Variants in ZNF124 observed in about 807,000 individuals in gnomAD.
ZNF124 encodes the protein zinc finger protein 124.
Under a neutral mutation model 26.6 loss-of-function variants are expected in ZNF124, and 25 were observed. That is an observed-to-expected ratio of 0.94 (90% confidence interval 0.68 to 1.31). The LOEUF (loss-of-function observed/expected upper bound fraction) is 1.31. Among genes scored for constraint, ZNF124 ranks in the 40% most tolerant of loss-of-function variants. The pLI, the probability that ZNF124 is intolerant of heterozygous loss-of-function variation, is 0.00. For missense variants in ZNF124, 444 were observed against 422.2 expected (o/e 1.05, Z -0.45); for synonymous variants, 129 against 133.3 (o/e 0.97, Z 0.22).
At chr1:247,162,151 C>T (rs567935753) in intron 1 of ZNF124, among the ~76,000 whole-genome samples, 1 of 152,242 alleles carries the variant, frequency 6.6e-6, no homozygotes, top group South Asian at 2.1e-4. Flanking sequence ...ACAGCCACCA[C>T]AAAAACACAC....
chr1:247,165,814 C>T (rs1488545216), intron 1 of ZNF124, among the ~76,000 whole-genome samples: 5 of 152,144 alleles, frequency 3.3e-5, no homozygotes, highest in Non-Finnish European at 7.3e-5. Flanking sequence ...TATCACTCAT[C>T]ACTAAAGAAA....
At position 247,168,856 on chromosome 1, in the gene ZNF124, C is replaced by CA. The variant is rs778812282; in HGVS notation, c.30+2991dup. ...ATAATGGACCTTGGTGATTTGGGGG[C>CA]AAGGGTGGGAGGGGGTGAGACTGCA... On this transcript the variant is annotated intron_variant, in intron 1 of 3. Transcript: ENST00000543802. This position sits in a 1 kb window ranked among gnomAD's most constrained non-coding sequence, Gnocchi z 4.0. Among the ~76,000 whole-genome samples the CA allele has an allele frequency of 1.1e-4, 16 of 149,342 alleles. No homozygotes were observed. The highest frequency in any genetic ancestry group is 2.2e-4 in the Non-Finnish European group (15 of 67,418).
chr1:247,157,121 T>A lies in ZNF124; in HGVS notation c.501A>T (p.Arg167Ser). ...TTTCTCCAGTGTGAATCCTTTTATG[T>A]CTATTAAGAGAACGGGAAAAACCTA... ...KALGFSRSLN[R>S]HKRIHTGEKR... is the part of the protein sequence containing the mutation. The change falls in exon 4 of 4, where the codon AGA becomes AGT. Residue 167 changes from arginine to serine, a missense_variant. Arg to Ser is a moderately radical substitution (Grantham distance 110). Coordinates refer to ENST00000543802, the MANE Select transcript of ZNF124 (RefSeq NM_001297568.2). 1.9e-6 allele frequency: 3 copies of A among 1,614,130 alleles called. No homozygotes were observed. Among genetic ancestry groups the A allele is most frequent in the Non-Finnish European group, 2.5e-6 (3 of 1,180,016 alleles).
intron 3 of ZNF124, among the ~76,000 whole-genome samples, chr1:247,149,482 G>T (rs778819186): frequency 1.3e-5 from 2 of 152,174 alleles, no homozygotes; most frequent in Non-Finnish European, 2.9e-5. Flanking sequence ...TACAGAAATT[G>T]TGATACACAC....
chr1:247,154,247 C>T (rs529741583), downstream of ZNF124, among the ~76,000 whole-genome samples: 17 of 152,260 alleles, frequency 1.1e-4, no homozygotes, highest in East Asian at 2.7e-3. Context: ...CGGTTTCCCC[C>T]GTGCTGTTCT....
intron 3 of ZNF124, among the ~76,000 whole-genome samples, chr1:247,124,239 T>C (rs554305346): frequency 6.6e-6 from 1 of 151,954 alleles, no homozygotes; most frequent in East Asian, 1.9e-4. Context: ...AGTCTCGCTC[T>C]GTCGCCCAGG....
At chr1:247,162,466 C>CT (rs1673533858) in intron 1 of ZNF124, among the ~76,000 whole-genome samples, 2 of 151,912 alleles carry the variant, frequency 1.3e-5, no homozygotes, top group Non-Finnish European at 2.9e-5. Context: ...AGCAATAGGC[C>CT]ATACCATATA....
intron 3 of ZNF124, among the ~76,000 whole-genome samples, chr1:247,134,374 G>GACAC (rs1278742441): frequency 6.6e-6 from 1 of 152,042 alleles, no homozygotes; most frequent in African/African-American, 2.4e-5. Flanking sequence ...TATGTGCAAA[G>GACAC]ACACACATAG....
rs182366261 is a variant in ZNF124, at chr1:247,136,563, C to T, written c.219-12692G>A. On this transcript the variant is annotated intron_variant, in intron 3 of 3. Transcript: ENST00000472531. ...ATAATCAGTATCACAAAAATGGCCA[C>T]ACTGCCCAAAGTAATTTACAGATTC... Among the ~76,000 whole-genome samples, 3 of 152,246 alleles carry T rather than the reference C, an allele frequency of 2.0e-5. No individual in the cohort carries two copies. The East Asian group carries it at 5.8e-4, about 29-fold the overall frequency.
intron 3 of ZNF124, among the ~76,000 whole-genome samples, chr1:247,144,622 A>C (rs753606054): frequency 6.6e-6 from 1 of 152,036 alleles, no homozygotes; most frequent in Non-Finnish European, 1.5e-5. Flanking sequence ...ATCCTAACCC[A>C]AGGAGGACTG....
rs77790613 is a variant in ZNF124, at chr1:247,147,779, C to T, written c.218+11227G>A. On this transcript the variant is annotated intron_variant, in intron 3 of 3. Transcript: ENST00000472531. The stretch of plus-strand genomic sequence containing the variant: ...CTCCCACCCAGACTGGAATAATCCC[C>T]TCCGGCACTTAGGGGACAGGGAAGC... 5.2e-3 allele frequency among the ~76,000 whole-genome samples: 797 copies of T among 152,266 alleles called. 4 individuals are homozygous for T. The highest frequency in any genetic ancestry group is 8.0e-3 in the Non-Finnish European group (543 of 68,020).
downstream of ZNF124, among the ~76,000 whole-genome samples, chr1:247,150,887 TAAC>T (rs145034224): frequency 0.14 from 21,368 of 151,136 alleles, 2,009 homozygotes; most frequent in African/African-American, 0.26. Context: ...CTGGGAAAAA[TAAC>T]AAATAAAATT....
At chr1:247,149,938 G>A (rs531840994) in intron 3 of ZNF124, 1 of 152,294 alleles carries the variant, frequency 6.6e-6, no homozygotes, top group African/African-American at 2.4e-5. Context: ...CTTTCAAGAT[G>A]ACATCCTGAA....
intron 3 of ZNF124, among the ~76,000 whole-genome samples, chr1:247,130,188 C>A (rs1433482081): frequency 6.6e-6 from 1 of 152,142 alleles, no homozygotes; most frequent in Non-Finnish European, 1.5e-5. Flanking sequence ...TTTCAAAAGG[C>A]CAAGAAAGAG....
rs560662664 is a variant in ZNF124 at position 247,123,462 on chromosome 1, TG to T, written c.*405del. On this transcript the variant is annotated 3_prime_UTR_variant, in exon 4 of 4. Transcript: ENST00000472531. Reference sequence around the variant, plus strand: ...TGCCCGCCTCGGCCTCCCAAAGTGCTGGGATTACAGGCGTGAGCCACTGCGC... The same window carrying T: ...TGCCCGCCTCGGCCTCCCAAAGTGCTGGATTACAGGCGTGAGCCACTGCGC... 3.3e-3 allele frequency: 538 copies of T among 161,106 alleles called. 1 individual carries two copies. Among genetic ancestry groups the T allele is most frequent in the African/African-American group, 0.012 (515 of 41,876 alleles). 10.0% of individuals were successfully genotyped at this position (161,106 alleles called of 1,614,324 possible).
At chr1:247,133,627 CCAATATTCAAT>C (rs1304297522) in intron 3 of ZNF124, among the ~76,000 whole-genome samples, 1 of 151,604 alleles carries the variant, frequency 6.6e-6, no homozygotes, top group Non-Finnish European at 1.5e-5. Context: ...AGATAGGGAG[CCAATATTCAAT>C]CAATATTCAA....
chr1:247,165,139 T>G (rs959490301), intron 1 of ZNF124, among the ~76,000 whole-genome samples: 1 of 152,158 alleles, frequency 6.6e-6, no homozygotes, highest in African/African-American at 2.4e-5. Context: ...GCTAATTTTT[T>G]GTATTTTTAG....
intron 2 of ZNF124, 136 bp from the exon 3 acceptor site, chr1:247,159,202 ATTGT>A (rs752104959): frequency 2.2e-4 from 161 of 720,644 alleles, no homozygotes; most frequent in Non-Finnish European, 3.2e-4. Flanking sequence ...ATATGGCAAC[ATTGT>A]TTGTGTTATG....
chr1:247,158,847 T>G (rs1334693512), intron 3 of ZNF124, among the ~76,000 whole-genome samples, 159 bp downstream of exon 3: 1 of 152,168 alleles, frequency 6.6e-6, no homozygotes, highest in East Asian at 1.9e-4. Context: ...CAGGCTGGTC[T>G]CAAACTCCTG....
Sources: allele counts gnomAD v4.1 joint callset (sites outside exome capture counted in the v4.1 genomes callset), GRCh38; gene constraint gnomAD v4.1.1; non-coding constraint Gnocchi (gnomAD v3.1); transcripts MANE v1.5; gene names NCBI Gene and HGNC (gene_info 2026-07-23, HGNC 2026-07-21).